The following DOK6 variants were observed in gnomAD, a reference collection of about 807,000 sequenced individuals.
The protein encoded by DOK6 is downstream of tyrosine kinase 6.
A neutral mutation model predicts 44.0 loss-of-function variants in DOK6; 22 were observed. The ratio of observed to expected loss-of-function variants is 0.50; its 90% CI spans 0.36 to 0.71. DOK6 has a LOEUF of 0.71. Among genes scored for constraint, DOK6 ranks in the 30% least tolerant of loss-of-function variants. The pLI is 0.00. For synonymous variants in DOK6, 166 were observed against 145.5 expected (o/e 1.14, Z -1.01); for missense variants, 340 against 416.4 (o/e 0.82, Z 1.60).
In DOK6 at chr18:69,798,890, G is replaced by A. The variant is rs572053477; in HGVS notation, c.856+41017G>A. On this transcript the variant is annotated intron_variant, in intron 7 of 7. Coordinates refer to ENST00000382713, the MANE Select transcript of DOK6 (RefSeq NM_152721.6). ...CCTTCATAGCAGAGAGGACGGTTTT[G>A]AGATGAGACCAACTTCATTGGAATC... Among the ~76,000 whole-genome samples the A allele has an allele frequency of 2.6e-5, 4 of 152,054 alleles. 1 individual carries two copies. The East Asian group carries it at 7.7e-4, about 29-fold the overall frequency.
intron 2 of DOK6, among the ~76,000 whole-genome samples, chr18:69,592,163 A>G (rs1376087438): frequency 9.2e-5 from 14 of 151,840 alleles, no homozygotes; most frequent in Non-Finnish European, 1.2e-4. Context: ...GAAATCACTA[A>G]CAGATATAAC....
At chr18:69,518,624 G>A (rs1018939242) in intron 1 of DOK6, among the ~76,000 whole-genome samples, 8 of 152,096 alleles carry the variant, frequency 5.3e-5, no homozygotes, top group Non-Finnish European at 1.2e-4. Context: ...GTAACTGTGG[G>A]ATATGCAAAA....
chr18:69,581,998 C>T (rs1983381942), intron 2 of DOK6, among the ~76,000 whole-genome samples: 1 of 152,228 alleles, frequency 6.6e-6, no homozygotes. Context: ...GAACCAACAC[C>T]AGTAACTACC....
At chr18:69,826,585 C>A (rs994630954) in intron 7 of DOK6, among the ~76,000 whole-genome samples, 3 of 152,112 alleles carry the variant, frequency 2.0e-5, no homozygotes, top group African/African-American at 7.2e-5. Context: ...AAAATTCCTT[C>A]TTTCTCCTAC....
chr18:69,540,508 C>T (rs1464865624), intron 1 of DOK6, among the ~76,000 whole-genome samples: 1 of 152,092 alleles, frequency 6.6e-6, no homozygotes, highest in Non-Finnish European at 1.5e-5. Flanking sequence ...TACCATTTGT[C>T]CACAATCTTG....
intron 1 of DOK6, among the ~76,000 whole-genome samples, chr18:69,470,490 C>T (rs1980066848): frequency 6.6e-6 from 1 of 152,086 alleles, no homozygotes. Context: ...CCAGGCGCAC[C>T]TGTTTAGAGC....
chr18:69,790,717 C>T (rs965481081), intron 7 of DOK6, among the ~76,000 whole-genome samples: 2 of 151,980 alleles, frequency 1.3e-5, no homozygotes, highest in African/African-American at 4.8e-5. Context: ...TATGGGCATA[C>T]AATGCATAAC....
rs1418836944 is a variant in DOK6, at chr18:69,841,891, CAATT to C, written c.*511_*514del. 3 of 157,386 alleles carry C rather than the reference CAATT, an allele frequency of 1.9e-5. No individual in the cohort carries two copies. Among genetic ancestry groups the C allele is most frequent in the African/African-American group, 7.2e-5 (3 of 41,436 alleles). 9.7% of individuals were successfully genotyped at this position (157,386 alleles called of 1,614,324 possible). ...AGCTGCATATAAATAAACCCAGTGA[CAATT>C]AAAGGAACATGAAATTCAGAACACA... On this transcript the variant is annotated 3_prime_UTR_variant, in exon 8 of 8. Transcript: ENST00000382713.
chr18:69,480,112 T>C (rs1980376797), intron 1 of DOK6, among the ~76,000 whole-genome samples: 1 of 152,128 alleles, frequency 6.6e-6, no homozygotes, highest in African/African-American at 2.4e-5. Flanking sequence ...CTTGAAATGG[T>C]AAAATAAATA....
At position 69,420,497 on chromosome 18, in the gene DOK6, T is replaced by G. The variant is rs186369694; in HGVS notation, c.66+19187T>G. On this transcript the variant is annotated intron_variant, in intron 1 of 7. Coordinates refer to ENST00000382713, the MANE Select transcript of DOK6 (RefSeq NM_152721.6). ...CTCTTTATTTATTTATTTATTTTTATTTTTTTAATTATACTTTAAGTTCTA... is the reference window on the plus strand; with the variant it reads ...CTCTTTATTTATTTATTTATTTTTAGTTTTTTAATTATACTTTAAGTTCTA... Among the ~76,000 whole-genome samples, 7 of 152,226 alleles carry G rather than the reference T, an allele frequency of 4.6e-5. No individual in the cohort carries two copies. The South Asian group carries it at 8.3e-4, about 18-fold the overall frequency.
At chr18:69,564,615 T>C in intron 2 of DOK6, 21 bp downstream of exon 2, 1 of 1,584,166 alleles carries the variant, frequency 6.3e-7, no homozygotes, top group South Asian at 1.1e-5. Context: ...GTCCTGGGAG[T>C]CCCTGGGGAA....
At chr18:69,491,947 G>T (rs1238059472) in intron 1 of DOK6, among the ~76,000 whole-genome samples, 1 of 152,150 alleles carries the variant, frequency 6.6e-6, no homozygotes, top group Non-Finnish European at 1.5e-5. Context: ...AGAACCAAAA[G>T]AATATTAAAT....
intron 3 of DOK6, among the ~76,000 whole-genome samples, chr18:69,621,167 T>C (rs1470087744): frequency 6.6e-6 from 1 of 152,188 alleles, no homozygotes; most frequent in Non-Finnish European, 1.5e-5. Flanking sequence ...GACAAGATCA[T>C]ACACCTAGCA....
At chr18:69,572,760 A>G (rs575558133) in intron 2 of DOK6, among the ~76,000 whole-genome samples, 1 of 152,174 alleles carries the variant, frequency 6.6e-6, no homozygotes, top group South Asian at 2.1e-4. Flanking sequence ...AGCAAATGGT[A>G]TTATGGCTAA....
intron 3 of DOK6, among the ~76,000 whole-genome samples, chr18:69,649,131 C>T (rs1382926293): frequency 1.3e-5 from 2 of 152,158 alleles, no homozygotes; most frequent in African/African-American, 2.4e-5. Context: ...CAAGAACACA[C>T]GCAAACCTGA....
At chr18:69,450,650 C>A (rs1368136716) in intron 1 of DOK6, among the ~76,000 whole-genome samples, 1 of 151,996 alleles carries the variant, frequency 6.6e-6, no homozygotes, top group Non-Finnish European at 1.5e-5. Flanking sequence ...ATGTTAAGGG[C>A]AGCCAGAGAG....
At chr18:69,738,069 T>G (rs1978673777) in intron 5 of DOK6, among the ~76,000 whole-genome samples, 1 of 152,232 alleles carries the variant, frequency 6.6e-6, no homozygotes, top group South Asian at 2.1e-4. Flanking sequence ...TCAGAGAAGC[T>G]AAGTGCTGGC....
intron 7 of DOK6, among the ~76,000 whole-genome samples, chr18:69,835,191 G>C (rs896549740): frequency 6.6e-6 from 1 of 152,124 alleles, no homozygotes; most frequent in Non-Finnish European, 1.5e-5. Flanking sequence ...GGCCGGGCGC[G>C]GTGGCTCACG....
intron 1 of DOK6, among the ~76,000 whole-genome samples, chr18:69,472,833 C>A (rs1268898959): frequency 6.1e-5 from 2 of 32,542 alleles, no homozygotes; most frequent in African/African-American, 9.4e-5. Context: ...GGTCTAGAGG[C>A]AGACAAGTTA....
Sources: gnomAD v4.1 joint callset for allele counts (sites outside exome capture counted in the v4.1 genomes callset) on GRCh38, gnomAD v4.1.1 for gene constraint, MANE v1.5 for transcripts, NCBI Gene and HGNC (gene_info 2026-07-23, HGNC 2026-07-21) for gene names.